The following THSD4 variants were observed in gnomAD, a reference collection of about 807,000 sequenced individuals.
The protein encoded by THSD4 is thrombospondin type 1 domain containing 4, also known as thrombospondin type-1 domain-containing protein 4.
A neutral mutation model predicts 119.0 loss-of-function variants in THSD4; 69 were observed. The observed-to-expected ratio is 0.58, with a 90% CI of 0.48 to 0.71. THSD4 has a LOEUF of 0.71. THSD4 is among the 30% of genes least tolerant of loss of function. THSD4 has a pLI of 0.00. For missense variants in THSD4, 1,393 were observed against 1,391.1 expected (o/e 1.00, Z -0.02); for synonymous variants, 524 against 540.4 (o/e 0.97, Z 0.42).
At chr15:71,620,466 A>C (rs1481358486) in intron 7 of THSD4, among the ~76,000 whole-genome samples, 3 of 151,946 alleles carry the variant, frequency 2.0e-5, no homozygotes, top group African/African-American at 7.3e-5. Flanking sequence ...TTCGCCGGGC[A>C]TGGTGGTGCA....
At chr15:71,403,204 C>T (rs1426857982) in intron 6 of THSD4, among the ~76,000 whole-genome samples, 2 of 152,078 alleles carry the variant, frequency 1.3e-5, no homozygotes, top group African/African-American at 4.8e-5. Context: ...GTTCTACTTT[C>T]TTGTTTTACT....
intron 6 of THSD4, among the ~76,000 whole-genome samples, chr15:71,405,583 G>A (rs977562178): frequency 6.6e-6 from 1 of 152,154 alleles, no homozygotes; most frequent in African/African-American, 2.4e-5. Flanking sequence ...CACACTTACT[G>A]TTGATTCGTA....
chr15:71,547,371 C>T (rs1377899806), intron 7 of THSD4: 50 of 1,548,432 alleles, frequency 3.2e-5, no homozygotes, highest in Non-Finnish European at 3.1e-5. Context: ...ACTTGGCAGA[C>T]GGAGTTCTCC....
chr15:71,573,704 T>C (rs1440763261), intron 7 of THSD4, among the ~76,000 whole-genome samples: 1 of 152,234 alleles, frequency 6.6e-6, no homozygotes, highest in Non-Finnish European at 1.5e-5. Context: ...ATTCATATGC[T>C]CTCCATTGCT....
intron 7 of THSD4, among the ~76,000 whole-genome samples, chr15:71,486,836 C>G (rs1466452242): frequency 4.6e-5 from 7 of 152,086 alleles, no homozygotes; most frequent in Non-Finnish European, 5.9e-5. Flanking sequence ...GAGCTAACCC[C>G]CTGGCTCAAG....
chr15:71,602,595 A>C (rs28411855), intron 7 of THSD4, among the ~76,000 whole-genome samples: 1 of 140,220 alleles, frequency 7.1e-6, no homozygotes, highest in Admixed American at 7.4e-5. Context: ...AAAGAAAAAC[A>C]GTCTCTATCC....
At chr15:71,757,879 T>A (rs995938956) in intron 14 of THSD4, 23 bp from the exon 15 acceptor site, 1 of 1,612,026 alleles carries the variant, frequency 6.2e-7, no homozygotes, top group African/African-American at 1.3e-5. Context: ...TCCTGACTAA[T>A]GTGCCCTTCC....
intron 4 of THSD4, among the ~76,000 whole-genome samples, chr15:71,239,415 A>T (rs560168204): frequency 9.2e-5 from 14 of 152,296 alleles, no homozygotes; most frequent in African/African-American, 3.1e-4. Flanking sequence ...AAGATTGGGT[A>T]ACTTACCCAA....
chr15:71,252,769 T>C (rs565384406), intron 5 of THSD4, among the ~76,000 whole-genome samples: 2 of 152,342 alleles, frequency 1.3e-5, no homozygotes, highest in South Asian at 2.1e-4. Context: ...ATCTGTACAA[T>C]GGGTATAATA....
At chr15:71,222,996 A>G (rs903526565) in intron 4 of THSD4, among the ~76,000 whole-genome samples, 4 of 152,036 alleles carry the variant, frequency 2.6e-5, no homozygotes, top group African/African-American at 9.7e-5. Context: ...CACCTACCTC[A>G]CTGAGTTGCT....
At position 71,641,418 on chromosome 15, in the gene THSD4, A is replaced by G. The variant is rs552076839; in HGVS notation, c.1153-19112A>G. Among the ~76,000 whole-genome samples, 325 of 152,096 alleles carry G rather than the reference A, an allele frequency of 2.1e-3. 5 individuals are homozygous for G. Among genetic ancestry groups the G allele is most frequent in the African/African-American group, 7.2e-3 (297 of 41,484 alleles). On this transcript the variant is annotated intron_variant, in intron 7 of 17. Coordinates refer to ENST00000261862, the MANE Select transcript of THSD4 (RefSeq NM_024817.3). The stretch of plus-strand genomic sequence containing the variant: ...GTTAAACCCCCCAGGTCTTTACACC[A>G]TTGTTAACAACAATCACTGAGTCTC...
intron 6 of THSD4, among the ~76,000 whole-genome samples, chr15:71,258,044 G>A (rs960644641): frequency 1.3e-5 from 2 of 152,020 alleles, no homozygotes; most frequent in African/African-American, 4.8e-5. Flanking sequence ...AATTTAAGGT[G>A]GTATCCTGAT....
chr15:71,436,826 A>G (rs1034789879), intron 7 of THSD4, among the ~76,000 whole-genome samples: 1 of 152,222 alleles, frequency 6.6e-6, no homozygotes, highest in African/African-American at 2.4e-5. Context: ...TTTGAGGGAT[A>G]GTAACATTTT....
chr15:71,344,779 G>A (rs2140395686), intron 6 of THSD4, among the ~76,000 whole-genome samples: 1 of 152,270 alleles, frequency 6.6e-6, no homozygotes, highest in South Asian at 2.1e-4. Context: ...CTACTTCCAC[G>A]GATGTACAAG....
chr15:71,355,869 T>C (rs1596361996), intron 6 of THSD4, among the ~76,000 whole-genome samples: 1 of 152,058 alleles, frequency 6.6e-6, no homozygotes, highest in East Asian at 1.9e-4. Flanking sequence ...TTTCTTATTT[T>C]ATTTTATTTT....
intron 6 of THSD4, among the ~76,000 whole-genome samples, chr15:71,367,064 A>G (rs1232417894): frequency 6.6e-6 from 1 of 152,148 alleles, no homozygotes; most frequent in African/African-American, 2.4e-5. Flanking sequence ...TGGCTCATGA[A>G]CTTTGAAATG....
rs1555413342 is a variant in THSD4, at chr15:71,434,462, T to TAAAA, written c.1152+22641_1152+22642insAAAA. 4.2e-4 allele frequency among the ~76,000 whole-genome samples: 52 copies of TAAAA among 124,892 alleles called. 1 individual carries two copies. In the East Asian group the frequency reaches 7.4e-3, roughly 18 times the overall value. The allele number at this position is 124,892 out of a possible 152,430, so 81.9% of individuals were successfully genotyped here. On this transcript the variant is annotated intron_variant, in intron 7 of 17. Transcript: ENST00000261862. ...TTTTTTTTTTTTTTTTTTTTTTTTT[T>TAAAA]AATTTCTGAAGGGGTTTAAGGATTG...
At chr15:71,705,713 A>T (rs2052380302) in intron 8 of THSD4, among the ~76,000 whole-genome samples, 1 of 152,182 alleles carries the variant, frequency 6.6e-6, no homozygotes, top group Non-Finnish European at 1.5e-5. Context: ...TTTTGCAGTC[A>T]TTCAGTCATT....
At chr15:71,500,703 A>G (rs2048098025) in intron 7 of THSD4, among the ~76,000 whole-genome samples, 4 of 152,250 alleles carry the variant, frequency 2.6e-5, no homozygotes, top group Admixed American at 1.3e-4. Flanking sequence ...ATAGAAATCC[A>G]GTTTTCCCAA....
Sources: gnomAD v4.1 joint callset for allele counts (sites outside exome capture counted in the v4.1 genomes callset) on GRCh38, gnomAD v4.1.1 for gene constraint, MANE v1.5 for transcripts, NCBI Gene and HGNC (gene_info 2026-07-23, HGNC 2026-07-21) for gene names.